Variants in FHIT observed in about 807,000 individuals in gnomAD.
The protein encoded by FHIT is fragile histidine triad diadenosine triphosphatase.
FHIT carries 19 observed loss-of-function variants against 17.9 expected under a neutral mutation model. The ratio of observed to expected loss-of-function variants is 1.06; its 90% CI spans 0.74 to 1.56. The LOEUF (loss-of-function observed/expected upper bound fraction) is 1.56. Ranked by LOEUF, FHIT falls within the 40% of genes most tolerant of loss-of-function variation. The probability of loss-of-function intolerance (pLI) is 0.00; values close to 1 mark genes in which losing one functional copy is unlikely to be tolerated. For synonymous variants in FHIT, 81 were observed against 69.7 expected, an observed-to-expected ratio of 1.16 and a Z score of -0.81; for missense variants, 248 against 189.2, an observed-to-expected ratio of 1.31 and a Z score of -1.82.
chr3:61,047,116 G>T (rs551554368), intron 2 of FHIT, among the ~76,000 whole-genome samples: 2 of 151,172 alleles, frequency 1.3e-5, no homozygotes, highest in Non-Finnish European at 3.0e-5. Flanking sequence ...CAATCCTGTT[G>T]GAAGTTCTGG....
chr3:59,764,039 A>T (rs1701667975), intron 8 of FHIT, among the ~76,000 whole-genome samples: 1 of 152,196 alleles, frequency 6.6e-6, no homozygotes, highest in Non-Finnish European at 1.5e-5. Context: ...TGAAGGTAGA[A>T]AGGCCGTCCC....
chr3:61,142,426 T>C (rs1366580446), intron 2 of FHIT, among the ~76,000 whole-genome samples: 2 of 146,038 alleles, frequency 1.4e-5, no homozygotes, highest in East Asian at 3.9e-4. Context: ...GTCAATGATG[T>C]ATTTGAATGT....
intron 5 of FHIT, among the ~76,000 whole-genome samples, chr3:60,435,434 T>C (rs2030131951): frequency 2.6e-5 from 2 of 77,000 alleles, no homozygotes; most frequent in African/African-American, 8.2e-5. Context: ...TATAACGTAA[T>C]AAAAATGATT....
At chr3:60,869,184 A>T (rs1704291112) in intron 3 of FHIT, among the ~76,000 whole-genome samples, 1 of 152,148 alleles carries the variant, frequency 6.6e-6, no homozygotes, top group Non-Finnish European at 1.5e-5. Context: ...AAATCTCCTA[A>T]CCCCCTGTGG....
intron 3 of FHIT, among the ~76,000 whole-genome samples, chr3:60,920,482 TG>T (rs1553768081): frequency 6.6e-6 from 1 of 151,958 alleles, no homozygotes; most frequent in Non-Finnish European, 1.5e-5. Flanking sequence ...ATAGTGGTGG[TG>T]ATCAGTGGTA....
chr3:60,011,115 C>T (rs1041787961), intron 7 of FHIT, among the ~76,000 whole-genome samples: 6 of 152,084 alleles, frequency 3.9e-5, no homozygotes, highest in African/African-American at 4.8e-5. Context: ...TTTCCGGACT[C>T]CTTGATTTAG....
chr3:60,888,875 G>C lies in FHIT; in HGVS notation c.-110-66864C>G, dbSNP rs80195101. Among the ~76,000 whole-genome samples, 358 of 152,152 alleles carry C rather than the reference G, an allele frequency of 2.4e-3. 1 individual carries two copies. Among genetic ancestry groups the C allele is most frequent in the African/African-American group, 8.1e-3 (338 of 41,506 alleles). On this transcript the variant is annotated intron_variant, in intron 3 of 9. Transcript: ENST00000492590. ...TATCCATCACCCAGTTTCTCCCAAT[G>C]GTAAATCAAGATATTGACATTGATA... is the stretch of plus-strand genomic sequence containing the variant.
chr3:60,590,965 A>G (rs190184731), intron 4 of FHIT, among the ~76,000 whole-genome samples: 51 of 152,180 alleles, frequency 3.4e-4, no homozygotes, highest in African/African-American at 1.1e-3. Flanking sequence ...GGAAAAATGG[A>G]CAGAATTAGG....
chr3:59,907,611 G>A (rs948502781), intron 8 of FHIT, among the ~76,000 whole-genome samples: 2 of 152,178 alleles, frequency 1.3e-5, no homozygotes, highest in Non-Finnish European at 2.9e-5. Flanking sequence ...GCATGTGTGT[G>A]CATGTGTGCA....
At chr3:61,170,841 C>G (rs192071158) in intron 2 of FHIT, among the ~76,000 whole-genome samples, 100 of 152,222 alleles carry the variant, frequency 6.6e-4, no homozygotes, top group African/African-American at 2.3e-3. Flanking sequence ...CATATGCATG[C>G]ATGTGTGTTT....
chr3:61,042,613 C>A (rs747358773), intron 2 of FHIT, among the ~76,000 whole-genome samples: 1 of 152,040 alleles, frequency 6.6e-6, no homozygotes, highest in Admixed American at 6.6e-5. Context: ...CTGAGGTGGG[C>A]GGATCACTCG....
At chr3:60,518,644 G>A (rs950065413) in intron 5 of FHIT, among the ~76,000 whole-genome samples, 8 of 152,120 alleles carry the variant, frequency 5.3e-5, no homozygotes, top group African/African-American at 1.2e-4. Flanking sequence ...CACATATGTC[G>A]AAAAGTCAGT....
chr3:60,821,865 C>G (rs184721532), intron 4 of FHIT, 54 bp downstream of exon 4: 1 of 152,158 alleles, frequency 6.6e-6, no homozygotes, highest in East Asian at 1.9e-4. Flanking sequence ...ATACTCACAG[C>G]AGGTCAATTA....
chr3:60,924,866 G>A (rs1707496639), intron 3 of FHIT, among the ~76,000 whole-genome samples: 2 of 152,088 alleles, frequency 1.3e-5, no homozygotes, highest in South Asian at 2.1e-4. Context: ...GTCCTTAAAG[G>A]ACCTGATGGA....
At chr3:61,083,463 G>A (rs1575981312) in intron 2 of FHIT, among the ~76,000 whole-genome samples, 2 of 152,098 alleles carry the variant, frequency 1.3e-5, no homozygotes, top group South Asian at 4.2e-4. Context: ...AGTGGCGGGC[G>A]CCTGTAGTCC....
At chr3:61,060,860 C>A (rs998465622) in intron 2 of FHIT, among the ~76,000 whole-genome samples, 1 of 152,202 alleles carries the variant, frequency 6.6e-6, no homozygotes. Context: ...CATGATCCTG[C>A]AGCACTCAGT....
intron 4 of FHIT, among the ~76,000 whole-genome samples, chr3:60,563,417 G>A (rs77376575): frequency 0.044 from 6,666 of 152,226 alleles, 484 homozygotes; most frequent in African/African-American, 0.15. Flanking sequence ...CCTTTTAAGT[G>A]TTCAAGTGAA....
chr3:60,250,102 C>A (rs1182516158), intron 5 of FHIT, among the ~76,000 whole-genome samples: 3 of 151,196 alleles, frequency 2.0e-5, no homozygotes, highest in Admixed American at 2.0e-4. Flanking sequence ...CAAACCATAT[C>A]AGAGAAAAAC....
intron 7 of FHIT, among the ~76,000 whole-genome samples, chr3:59,953,469 T>G (rs1162958023): frequency 6.6e-6 from 1 of 152,178 alleles, no homozygotes; most frequent in Non-Finnish European, 1.5e-5. Flanking sequence ...CGGCCAGGTA[T>G]GCCAGCGCTG....
Sources: allele counts gnomAD v4.1 joint callset (sites outside exome capture counted in the v4.1 genomes callset), GRCh38; gene constraint gnomAD v4.1.1; transcripts MANE v1.5; gene names NCBI Gene and HGNC (gene_info 2026-07-23, HGNC 2026-07-21).